Variants in EIF2B3 observed in about 807,000 individuals in gnomAD.
EIF2B3 encodes the protein translation initiation factor eIF2B subunit gamma.
EIF2B3 carries 20 observed loss-of-function variants against 54.1 expected under a neutral mutation model. That is an observed-to-expected ratio of 0.37 (90% CI 0.26 to 0.54). EIF2B3 has a LOEUF of 0.54. EIF2B3 is among the 20% of genes least tolerant of loss of function. EIF2B3 has a pLI of 0.86. For missense variants in EIF2B3, 448 were observed against 547.8 expected (o/e 0.82, Z 1.82); for synonymous variants, 153 against 188.1 (o/e 0.81, Z 1.52).
At chr1:44,917,714 T>C (rs866965656) in intron 5 of EIF2B3, among the ~76,000 whole-genome samples, 3 of 150,092 alleles carry the variant, frequency 2.0e-5, no homozygotes, top group Non-Finnish European at 4.4e-5. Flanking sequence ...GTAACTCTTT[T>C]AGCAGATCCA....
intron 3 of EIF2B3, among the ~76,000 whole-genome samples, chr1:44,960,590 A>T (rs1644275074): frequency 6.6e-6 from 1 of 152,042 alleles, no homozygotes; most frequent in Non-Finnish European, 1.5e-5. Context: ...GTGAGCCGAG[A>T]TCGCGCCACT....
chr1:44,906,816 T>C (rs1381216691), intron 5 of EIF2B3, among the ~76,000 whole-genome samples: 2 of 152,200 alleles, frequency 1.3e-5, no homozygotes, highest in East Asian at 1.9e-4. Flanking sequence ...TTGACATCTA[T>C]ATATTAATGC....
At chr1:44,856,550 G>C (rs1016111637) in intron 11 of EIF2B3, among the ~76,000 whole-genome samples, 1 of 138,512 alleles carries the variant, frequency 7.2e-6, no homozygotes, top group Non-Finnish European at 1.6e-5. Context: ...AAAAAAAAAG[G>C]AAAATCTGAG....
intron 2 of EIF2B3, among the ~76,000 whole-genome samples, chr1:44,980,202 T>C (rs1569891854): frequency 6.6e-6 from 1 of 152,078 alleles, no homozygotes; most frequent in South Asian, 2.1e-4. Context: ...CGGTGGCTCA[T>C]GCCTGTAATC....
At chr1:44,959,221 C>T in intron 3 of EIF2B3, 1 of 696,998 alleles carries the variant, frequency 1.4e-6, no homozygotes, top group South Asian at 1.5e-5. Flanking sequence ...GATAGTACAC[C>T]TGTTTAAATC....
chr1:44,979,720 T>C (rs1039127996), intron 2 of EIF2B3, among the ~76,000 whole-genome samples: 4 of 148,034 alleles, frequency 2.7e-5, no homozygotes, highest in Non-Finnish European at 4.5e-5. Flanking sequence ...TTCCAACACT[T>C]TGGAAGGCCG....
At chr1:44,962,201 TCAA>T (rs1439038133) in intron 3 of EIF2B3, among the ~76,000 whole-genome samples, 99 of 114,454 alleles carry the variant, frequency 8.6e-4, no homozygotes, top group African/African-American at 2.9e-3. Context: ...TCAATCATCA[TCAA>T]CATCATCATC....
intron 4 of EIF2B3, among the ~76,000 whole-genome samples, chr1:44,927,816 A>C (rs1219324305): frequency 6.6e-6 from 1 of 152,074 alleles, no homozygotes; most frequent in Non-Finnish European, 1.5e-5. Context: ...AGAAAATAAT[A>C]ATCATATATA....
chr1:44,981,624 T>G (rs934532258), intron 1 of EIF2B3, among the ~76,000 whole-genome samples: 1 of 152,146 alleles, frequency 6.6e-6, no homozygotes, highest in Non-Finnish European at 1.5e-5. Flanking sequence ...GGACTTCTGA[T>G]GTGTGAATTT....
At chr1:44,979,474 C>CAA (rs34452633) in intron 2 of EIF2B3, among the ~76,000 whole-genome samples, 863 of 55,660 alleles carry the variant, frequency 0.016, 19 homozygotes, top group East Asian at 0.11. Flanking sequence ...CTGTCTCTGC[C>CAA]AAAAAAAAAA....
intron 4 of EIF2B3, chr1:44,937,283 C>T (rs1352598170): frequency 6.6e-6 from 1 of 152,200 alleles, no homozygotes; most frequent in African/African-American, 2.4e-5. Context: ...GAAGAGCTGC[C>T]TTTATAAGCA....
At chr1:44,964,822 G>A (rs569509605) in intron 3 of EIF2B3, among the ~76,000 whole-genome samples, 20 of 152,278 alleles carry the variant, frequency 1.3e-4, no homozygotes, top group African/African-American at 4.3e-4. Context: ...CAATGAGACC[G>A]GCAATATAAA....
intron 1 of EIF2B3, among the ~76,000 whole-genome samples, chr1:44,982,006 A>C (rs1317994861): frequency 2.6e-5 from 4 of 152,038 alleles, no homozygotes; most frequent in Admixed American, 2.0e-4. Flanking sequence ...TAGAATTAAC[A>C]GCAGAAACAC....
intron 10 of EIF2B3, among the ~76,000 whole-genome samples, chr1:44,865,596 T>C (rs2148896724): frequency 6.6e-6 from 1 of 152,076 alleles, no homozygotes; most frequent in Non-Finnish European, 1.5e-5. Flanking sequence ...TTTTTTTTTT[T>C]CCAAGATGGA....
chr1:44,931,397 G>A (rs1016249623), intron 4 of EIF2B3, among the ~76,000 whole-genome samples: 6 of 152,226 alleles, frequency 3.9e-5, no homozygotes, highest in South Asian at 2.1e-4. Flanking sequence ...GACCAGCTAA[G>A]TCATGCCTGG....
chr1:44,978,269 T>C, intron 3 of EIF2B3, 46 bp downstream of exon 3: 1 of 1,596,732 alleles, frequency 6.3e-7, no homozygotes, highest in Non-Finnish European at 8.6e-7. Flanking sequence ...ACATAAGATA[T>C]CATCTATCTT....
intron 8 of EIF2B3, 95 bp from the exon 9 acceptor site, chr1:44,875,790 C>T (rs1360223611): frequency 1.0e-5 from 10 of 960,564 alleles, no homozygotes; most frequent in African/African-American, 1.6e-5. Context: ...CCCCTCCCCA[C>T]GGTCTCCCTC....
chr1:44,930,667 G>C (rs1643889027), intron 4 of EIF2B3, among the ~76,000 whole-genome samples: 1 of 152,150 alleles, frequency 6.6e-6, no homozygotes, highest in Non-Finnish European at 1.5e-5. Flanking sequence ...TGGAGGTGCA[G>C]TCTTGCTCTG....
At chr1:44,907,566 C>T (rs59050077) in intron 5 of EIF2B3, among the ~76,000 whole-genome samples, 22,429 of 150,172 alleles carry the variant, frequency 0.15, 1,790 homozygotes, top group Non-Finnish European at 0.17. Flanking sequence ...CAAAAACAAA[C>T]AAAAAATGCT....
Sources: gnomAD v4.1 joint callset for allele counts (sites outside exome capture counted in the v4.1 genomes callset) on GRCh38, gnomAD v4.1.1 for gene constraint, MANE v1.5 for transcripts, NCBI Gene and HGNC (gene_info 2026-07-23, HGNC 2026-07-21) for gene names.